MATCAP1: variants seen among roughly 807,000 people sequenced by gnomAD.
The protein encoded by MATCAP1 is microtubule associated tyrosine carboxypeptidase 1, also known as microtubule-associated tyrosine carboxypeptidase 1.
the MATCAP1 span, chr16:67,179,129 C>T: frequency 4.1e-5 from 49 of 1,205,208 alleles, no homozygotes; most frequent in Middle Eastern, 6.9e-4. This position sits in a 1 kb window ranked among gnomAD's most constrained non-coding sequence, Gnocchi z 5.2. Flanking sequence ...TTTCTCTGGC[C>T]GGTCAGGGCC....
At chr16:67,179,630 G>T in the MATCAP1 span, 1 of 1,520,390 alleles carries the variant, frequency 6.6e-7, no homozygotes, top group Non-Finnish European at 9.1e-7. The surrounding 1 kb of genome is among the most constrained non-coding windows in gnomAD (Gnocchi z 5.2). Context: ...ACCCAATGAT[G>T]CCACAGGGCA....
the MATCAP1 span, chr16:67,179,674 T>C: frequency 1.4e-6 from 2 of 1,471,610 alleles, no homozygotes; most frequent in Non-Finnish European, 1.9e-6. This position sits in a 1 kb window ranked among gnomAD's most constrained non-coding sequence, Gnocchi z 5.2. Context: ...GCACCCACCC[T>C]TCATCACCTC....
chr16:67,179,279 G>A, the MATCAP1 span: 1 of 1,488,208 alleles, frequency 6.7e-7, no homozygotes, highest in Non-Finnish European at 8.9e-7. The surrounding 1 kb of genome is among the most constrained non-coding windows in gnomAD (Gnocchi z 5.2). Flanking sequence ...GCAGAGGGCG[G>A]GAGGTGGCTG....
chr16:67,180,447 G>A, the MATCAP1 span: 1 of 1,608,838 alleles, frequency 6.2e-7, no homozygotes, highest in Non-Finnish European at 8.5e-7. Flanking sequence ...CTGCAGCGCT[G>A]GGGGGACTGC....
At chr16:67,178,293 G>A in the MATCAP1 span, 1 of 1,580,366 alleles carries the variant, frequency 6.3e-7, no homozygotes, top group Admixed American at 1.8e-5. Flanking sequence ...GGTCCTGGAA[G>A]AGCTGACGGA....
At chr16:67,178,906 A>G in the MATCAP1 span, 2 of 436,460 alleles carry the variant, frequency 4.6e-6, no homozygotes, top group Admixed American at 3.0e-5. Flanking sequence ...CCCGGTAAAA[A>G]TCACTCTTGC....
chr16:67,178,622 T>C, the MATCAP1 span: 4 of 918,802 alleles, frequency 4.4e-6, no homozygotes, highest in South Asian at 4.2e-5. Context: ...TCCATCCTCA[T>C]GCTCCTGAAC....
chr16:67,179,985 C>T, the MATCAP1 span: 2 of 1,613,436 alleles, frequency 1.2e-6, no homozygotes, highest in Non-Finnish European at 1.7e-6. This position sits in a 1 kb window ranked among gnomAD's most constrained non-coding sequence, Gnocchi z 5.2. Context: ...AGTGGCTGGT[C>T]AGGACAAGCC....
the MATCAP1 span, chr16:67,176,510 C>T: frequency 3.2e-6 from 1 of 310,952 alleles, no homozygotes; most frequent in Non-Finnish European, 5.9e-6. The surrounding 1 kb of genome is among the most constrained non-coding windows in gnomAD (Gnocchi z 4.3). Context: ...AAACCACCCC[C>T]ATCCCCATCA....
At chr16:67,179,615 G>GGT in the MATCAP1 span, 4 of 1,554,812 alleles carry the variant, frequency 2.6e-6, no homozygotes, top group Non-Finnish European at 3.5e-6. This position sits in a 1 kb window ranked among gnomAD's most constrained non-coding sequence, Gnocchi z 5.2. Context: ...CCAGGGTGCA[G>GGT]GTGGACCCAA....
At chr16:67,176,562 AAC>A in the MATCAP1 span, 1 of 401,256 alleles carries the variant, frequency 2.5e-6, no homozygotes, top group Non-Finnish European at 4.4e-6. The surrounding 1 kb of genome is among the most constrained non-coding windows in gnomAD (Gnocchi z 4.3). Context: ...CCCTCTGCTC[AAC>A]AGAGAGCTGG....
chr16:67,179,520 T>C, the MATCAP1 span: 1 of 1,613,400 alleles, frequency 6.2e-7, no homozygotes. This position sits in a 1 kb window ranked among gnomAD's most constrained non-coding sequence, Gnocchi z 5.2. Flanking sequence ...TCCACCATCA[T>C]CACTGCCTGG....
chr16:67,183,412 C>A, the MATCAP1 span: 1 of 152,266 alleles, frequency 6.6e-6, no homozygotes, highest in East Asian at 1.9e-4. Context: ...TTCCCCGCGT[C>A]TAGTGTCCCA....
chr16:67,176,668 ACTC>A, the MATCAP1 span: 5 of 734,652 alleles, frequency 6.8e-6, no homozygotes, highest in East Asian at 3.0e-5. This position sits in a 1 kb window ranked among gnomAD's most constrained non-coding sequence, Gnocchi z 4.3. Context: ...TGATGTTGCC[ACTC>A]CTCCTCAAGG....
At chr16:67,178,704 G>A in the MATCAP1 span, 4 of 704,904 alleles carry the variant, frequency 5.7e-6, no homozygotes, top group Middle Eastern at 9.2e-4. Flanking sequence ...CGCACCCAAG[G>A]ATCCACAGAG....
chr16:67,180,290 G>A, the MATCAP1 span: 1 of 1,612,370 alleles, frequency 6.2e-7, no homozygotes, highest in African/African-American at 1.3e-5. Flanking sequence ...CCCCACCTGG[G>A]TTCCGTCCCC....
chr16:67,180,937 T>A, the MATCAP1 span, among the ~76,000 whole-genome samples: 1 of 152,120 alleles, frequency 6.6e-6, no homozygotes, highest in Non-Finnish European at 1.5e-5. Context: ...TCATAGCTCA[T>A]TGCAGCCTCC....
chr16:67,178,927 A>G, the MATCAP1 span: 1 of 418,176 alleles, frequency 2.4e-6, no homozygotes, highest in Non-Finnish European at 4.5e-6. Context: ...CCAGAGCAAC[A>G]GGATTCTCGA....
chr16:67,182,649 T>A, the MATCAP1 span, among the ~76,000 whole-genome samples: 6 of 152,242 alleles, frequency 3.9e-5, no homozygotes, highest in African/African-American at 1.4e-4. Context: ...TGCAGTGTCA[T>A]CACTTGAATG....
Sources: gnomAD v4.1 joint callset for allele counts (sites outside exome capture counted in the v4.1 genomes callset) on GRCh38, gnomAD v4.1.1 for gene constraint, Gnocchi (gnomAD v3.1) non-coding constraint, MANE v1.5 for transcripts, NCBI Gene and HGNC (gene_info 2026-07-23, HGNC 2026-07-21) for gene names.